Variants in GABRG2 observed in about 807,000 individuals in gnomAD.
The protein encoded by GABRG2 is gamma-aminobutyric acid receptor subunit gamma-2.
Under a neutral mutation model 56.4 loss-of-function variants are expected in GABRG2, and 16 were observed. The observed-to-expected ratio is 0.28, with a 90% CI of 0.19 to 0.43. GABRG2 has a LOEUF of 0.43. GABRG2 is among the 20% of genes least tolerant of loss of function. The pLI is 1.00. For missense variants in GABRG2, 327 were observed against 582.7 expected (o/e 0.56, Z 4.52); for synonymous variants, 208 against 205.5 (o/e 1.01, Z -0.10).
intron 1 of GABRG2, among the ~76,000 whole-genome samples, chr5:162,090,320 ACATAC>A (rs869250145): frequency 1.0e-5 from 1 of 99,282 alleles, no homozygotes; most frequent in African/African-American, 3.3e-5. Flanking sequence ...ATACACATAC[ACATAC>A]CATACACATA....
At chr5:162,079,012 A>G (rs1581307385) in intron 1 of GABRG2, among the ~76,000 whole-genome samples, 2 of 150,206 alleles carry the variant, frequency 1.3e-5, no homozygotes, top group South Asian at 4.2e-4. Flanking sequence ...AAATAGATTA[A>G]TATTATATAA....
rs7735226 is a variant in GABRG2, at chr5:162,074,786, G to C, written c.107+6680G>C. Among the ~76,000 whole-genome samples, 433 of 152,106 alleles carry C rather than the reference G, an allele frequency of 2.8e-3. 2 individuals are homozygous for C. The highest frequency in any genetic ancestry group is 0.01 in the African/African-American group (425 of 41,516). ...CGAATATCATTTGAGCCAATTCTGG[G>C]ATTTTTGCATTATAGAGAATACAGG... On this transcript the variant is annotated intron_variant, in intron 1 of 9. Coordinates refer to ENST00000639213, the MANE Select transcript of GABRG2 (RefSeq NM_198904.4).
intron 1 of GABRG2, among the ~76,000 whole-genome samples, chr5:162,070,684 C>A (rs1304423383): frequency 1.3e-5 from 2 of 151,848 alleles, no homozygotes; most frequent in African/African-American, 4.8e-5. Flanking sequence ...TAACTAATAT[C>A]TCTTCTTATA....
chr5:162,093,359 C>T (rs1184491059), intron 1 of GABRG2, among the ~76,000 whole-genome samples: 1 of 152,050 alleles, frequency 6.6e-6, no homozygotes, highest in Non-Finnish European at 1.5e-5. Flanking sequence ...CGGGGAGAGG[C>T]ATGTCTGGCA....
intron 9 of GABRG2, chr5:162,152,644 G>GGC (rs1765455481): frequency 6.7e-6 from 2 of 297,470 alleles, no homozygotes; most frequent in African/African-American, 4.3e-5. Flanking sequence ...CATTTGCTCA[G>GGC]AGTAATGGGT....
chr5:162,105,574 C>T lies in GABRG2; in HGVS notation c.769+1548C>T, dbSNP rs188037258. Among the ~76,000 whole-genome samples, 723 of 151,560 alleles carry T rather than the reference C, an allele frequency of 4.8e-3. 5 individuals are homozygous for T. The highest frequency in any genetic ancestry group is 0.017 in the Middle Eastern group (5 of 294). On this transcript the variant is annotated intron_variant, in intron 6 of 9. Coordinates refer to ENST00000639213, the MANE Select transcript of GABRG2 (RefSeq NM_198904.4). ...CCTCCCCAGTAGCTGGGACTACAGGCGCCCACCACCACGCCTGGCTAATTT... is the reference window on the plus strand; with the variant it reads ...CCTCCCCAGTAGCTGGGACTACAGGTGCCCACCACCACGCCTGGCTAATTT...
intron 5 of GABRG2, chr5:162,101,546 G>T: frequency 1.9e-6 from 1 of 528,194 alleles, no homozygotes; most frequent in Non-Finnish European, 3.4e-6. Context: ...GTTTCCTTGA[G>T]TTGCAAACTT....
intron 6 of GABRG2, 87 bp from the exon 7 acceptor site, chr5:162,142,077 G>A: frequency 7.0e-7 from 1 of 1,431,950 alleles, no homozygotes; most frequent in Non-Finnish European, 9.8e-7. Context: ...TTAAATGTGT[G>A]TGCATAACCA....
At chr5:162,124,993 T>TGTGTGTGTGC (rs1361042130) in intron 6 of GABRG2, among the ~76,000 whole-genome samples, 1 of 151,174 alleles carries the variant, frequency 6.6e-6, no homozygotes, top group African/African-American at 2.4e-5. Flanking sequence ...TGTGTGTGTG[T>TGTGTGTGTGC]GTATTTGCAA....
chr5:162,120,039 C>A (rs967702493), intron 6 of GABRG2, among the ~76,000 whole-genome samples: 1 of 152,086 alleles, frequency 6.6e-6, no homozygotes, highest in African/African-American at 2.4e-5. Flanking sequence ...AGAAATGTAT[C>A]TGCAGCGTCC....
intron 1 of GABRG2, among the ~76,000 whole-genome samples, chr5:162,076,291 ATTAT>A (rs1166394637): frequency 6.6e-6 from 1 of 152,176 alleles, no homozygotes; most frequent in African/African-American, 2.4e-5. Context: ...AATACAGGAC[ATTAT>A]TTATCCCCTG....
chr5:162,149,170 G>A lies in GABRG2; in HGVS notation c.985G>A (p.Val329Ile). 6.2e-7 allele frequency: 1 copy of A among 1,613,920 alleles called. No individual in the cohort carries two copies. Residue 329 changes from valine to isoleucine, a missense_variant, in exon 8 of 10, where the codon GTC becomes ATC. Coordinates refer to ENST00000639213, the MANE Select transcript of GABRG2 (RefSeq NM_198904.4). ...CATTGCCCGGAAATCGCTCCCCAAGGTCTCCTATGTCACAGCGATGGATCT... is the reference window on the plus strand; with the variant it reads ...CATTGCCCGGAAATCGCTCCCCAAGATCTCCTATGTCACAGCGATGGATCT... ...STIARKSLPK[V>I]SYVTAMDLFV... is the part of the protein sequence containing the mutation.
At position 162,153,414 on chromosome 5, in the gene GABRG2, T is replaced by A. The variant is rs762335640; in HGVS notation, c.*46T>A. On this transcript the variant is annotated 3_prime_UTR_variant, in exon 10 of 10. Transcript: ENST00000639213. ...TATGGTTCTTATTCACTGAGTCTCA[T>A]GGAGAGATGTCTGTTCTAAGTCCAC... is the stretch of plus-strand genomic sequence containing the variant. 33 of 1,593,750 alleles carry A rather than the reference T, an allele frequency of 2.1e-5. No homozygotes were observed. In the South Asian group the frequency reaches 3.3e-4, roughly 16 times the overall value.
At chr5:162,111,085 A>C (rs1187690967) in intron 6 of GABRG2, among the ~76,000 whole-genome samples, 2 of 152,140 alleles carry the variant, frequency 1.3e-5, no homozygotes, top group African/African-American at 2.4e-5. Context: ...TACACTGTCA[A>C]TATCCTAATC....
chr5:162,082,005 G>A (rs746190357), intron 1 of GABRG2, among the ~76,000 whole-genome samples: 30 of 151,774 alleles, frequency 2.0e-4, no homozygotes, highest in Non-Finnish European at 3.4e-4. Context: ...AAATGCTTAC[G>A]TAAAAAATGA....
chr5:162,106,458 G>C (rs1385484108), intron 6 of GABRG2, among the ~76,000 whole-genome samples: 1 of 152,132 alleles, frequency 6.6e-6, no homozygotes, highest in African/African-American at 2.4e-5. Flanking sequence ...TTCTGTGACA[G>C]CTGATTTTTT....
At chr5:162,129,121 G>T (rs1763540624) in intron 6 of GABRG2, 1 of 151,872 alleles carries the variant, frequency 6.6e-6, no homozygotes, top group African/African-American at 2.4e-5. Flanking sequence ...GTTGTTGATT[G>T]GTGTATTTTC....
chr5:162,104,899 CCAGTTTGAACTCT>C (rs1462181499), intron 6 of GABRG2, among the ~76,000 whole-genome samples: 1 of 152,082 alleles, frequency 6.6e-6, no homozygotes, highest in Non-Finnish European at 1.5e-5. Context: ...TCATGGGTGG[CCAGTTTGAACTCT>C]CAGCAATGTT....
At chr5:162,103,737 G>A (rs1330357684) in intron 5 of GABRG2, 152 bp from the exon 6 acceptor site, 1 of 774,778 alleles carries the variant, frequency 1.3e-6, no homozygotes, top group South Asian at 1.6e-5. Context: ...TGCAATTTAT[G>A]TTCTCATTGC....
Sources: gnomAD v4.1 joint callset for allele counts (sites outside exome capture counted in the v4.1 genomes callset) on GRCh38, gnomAD v4.1.1 for gene constraint, MANE v1.5 for transcripts, NCBI Gene and HGNC (gene_info 2026-07-23, HGNC 2026-07-21) for gene names.